PRKACA: variants seen among roughly 807,000 people sequenced by gnomAD.
The protein encoded by PRKACA is protein kinase cAMP-activated catalytic subunit alpha.
PRKACA carries 9 observed loss-of-function variants against 45.8 expected under a neutral mutation model. The ratio of observed to expected loss-of-function variants is 0.20; its 90% CI spans 0.12 to 0.34. The LOEUF (loss-of-function observed/expected upper bound fraction) is 0.34, where lower values mean the gene tolerates loss of function less well. Ranked by LOEUF, PRKACA falls within the 10% of genes least tolerant of loss-of-function variation. The pLI is 1.00. For missense variants in PRKACA, 238 were observed against 458.6 expected (o/e 0.52, Z 4.39); for synonymous variants, 160 against 178.6 (o/e 0.90, Z 0.83).
chr19:14,107,637 CA>C, intron 1 of PRKACA: 1 of 1,344,346 alleles, frequency 7.4e-7, no homozygotes, highest in Non-Finnish European at 9.6e-7. Context: ...CAGAGAGTCT[CA>C]GGGGTCACTC....
intron 5 of PRKACA, 48 bp downstream of exon 5, chr19:14,100,765 TCGTGCACTGCCAC>T (rs1384096686): frequency 6.5e-7 from 1 of 1,528,346 alleles, no homozygotes; most frequent in African/African-American, 1.4e-5. Context: ...GGGGGCTTGG[TCGTGCACTGCCAC>T]CTGTGGACAC....
chr19:14,114,215 G>T, intron 1 of PRKACA: 1 of 1,590,168 alleles, frequency 6.3e-7, no homozygotes, highest in South Asian at 1.1e-5. Context: ...CATGAGACCT[G>T]CCGTGTCTGT....
chr19:14,107,334 C>T lies in PRKACA; in HGVS notation c.108+14G>A, dbSNP rs942759891. ...AGCTCACCCCTCCCTGGGCTCTGCA[C>T]CCGGCAGCCTTACCTGAGCGGGACT... On this transcript the variant is annotated intron_variant, in intron 2 of 9. Transcript: ENST00000308677. 8 of 1,612,766 alleles carry T rather than the reference C, an allele frequency of 5.0e-6. No individual in the cohort carries two copies. The highest frequency in any genetic ancestry group is 3.3e-5 in the Admixed American group (2 of 59,962).
At chr19:14,098,859 T>C (rs1599337956) in intron 5 of PRKACA, among the ~76,000 whole-genome samples, 2 of 144,416 alleles carry the variant, frequency 1.4e-5, no homozygotes, top group East Asian at 4.0e-4. Flanking sequence ...TTTTCTTAGG[T>C]GATAGAAAAG....
intron 4 of PRKACA, chr19:14,101,388 G>A (rs1977437752): frequency 6.1e-6 from 1 of 165,156 alleles, no homozygotes; most frequent in Non-Finnish European, 1.3e-5. Flanking sequence ...GGGCAACATA[G>A]TGAGACCCCG....
chr19:14,102,390 C>T (rs1167469567), intron 4 of PRKACA, among the ~76,000 whole-genome samples: 1 of 152,136 alleles, frequency 6.6e-6, no homozygotes, highest in Non-Finnish European at 1.5e-5. Context: ...ACAACCCCAC[C>T]AGGCTGGAAC....
chr19:14,107,689 C>A, intron 1 of PRKACA: 1 of 1,260,636 alleles, frequency 7.9e-7, no homozygotes, highest in Non-Finnish European at 1.0e-6. Flanking sequence ...ACCAGCCCAC[C>A]CCCACTCGCC....
chr19:14,111,637 G>A (rs1345913669), intron 1 of PRKACA, among the ~76,000 whole-genome samples: 1 of 152,182 alleles, frequency 6.6e-6, no homozygotes, highest in Admixed American at 6.5e-5. Context: ...ATGGGGTCTT[G>A]CTATGTTGCC....
At chr19:14,094,833 G>A (rs1005601257) in intron 8 of PRKACA, among the ~76,000 whole-genome samples, 1 of 152,232 alleles carries the variant, frequency 6.6e-6, no homozygotes, top group South Asian at 2.1e-4. Flanking sequence ...TTAAAGCCCA[G>A]CTCAACTCTT....
At chr19:14,110,127 T>C (rs1369680343) in intron 1 of PRKACA, among the ~76,000 whole-genome samples, 1 of 149,818 alleles carries the variant, frequency 6.7e-6, no homozygotes, top group East Asian at 2.0e-4. Flanking sequence ...CTTGGCAACA[T>C]AGCAAGACCC....
intron 1 of PRKACA, chr19:14,113,983 C>G (rs994459646): frequency 7.0e-6 from 6 of 858,190 alleles, no homozygotes; most frequent in Non-Finnish European, 9.5e-6. Flanking sequence ...GCCGCACAGC[C>G]CGGGGCTGTA....
At chr19:14,114,192 G>C in intron 1 of PRKACA, 1 of 1,604,510 alleles carries the variant, frequency 6.2e-7, no homozygotes, top group Non-Finnish European at 8.5e-7. Context: ...GCACTACGGT[G>C]GCTGGGAAGG....
chr19:14,095,415 C>T (rs1352872047), intron 8 of PRKACA, among the ~76,000 whole-genome samples: 5 of 145,306 alleles, frequency 3.4e-5, no homozygotes, highest in African/African-American at 7.6e-5. Flanking sequence ...GTGATCCGCC[C>T]GCCTCGGCCT....
At chr19:14,105,141 A>T (rs571061921) in intron 3 of PRKACA, among the ~76,000 whole-genome samples, 26 of 152,350 alleles carry the variant, frequency 1.7e-4, no homozygotes, top group African/African-American at 6.3e-4. Flanking sequence ...AAAGGAATGT[A>T]AAATGTTTCA....
chr19:14,097,555 G>A lies in PRKACA; in HGVS notation c.642+24C>T, dbSNP rs1977296901. ...GAGAGCAGAGCCGGCCTCAGGGGAA[G>A]GGGAGGGCTGGGGAGGCTCCTACTT... On this transcript the variant is annotated intron_variant, in intron 7 of 9. Coordinates refer to ENST00000308677, the MANE Select transcript of PRKACA (RefSeq NM_002730.4). The surrounding 1 kb of genome is among the most constrained non-coding windows in gnomAD (Gnocchi z 5.4). 6.2e-7 allele frequency: 1 copy of A among 1,613,128 alleles called. No homozygotes were observed. Among genetic ancestry groups the A allele is most frequent in the Non-Finnish European group, 8.5e-7 (1 of 1,179,450 alleles).
At chr19:14,114,229 G>T (rs1967057936) in intron 1 of PRKACA, 1 of 1,572,546 alleles carries the variant, frequency 6.4e-7, no homozygotes, top group African/African-American at 1.4e-5. Flanking sequence ...TGTCTGTTCG[G>T]CTGTCTGTCC....
intron 8 of PRKACA, among the ~76,000 whole-genome samples, chr19:14,096,002 G>A (rs536905599): frequency 6.6e-6 from 1 of 151,456 alleles, no homozygotes; most frequent in Non-Finnish European, 1.5e-5. Flanking sequence ...GGGAACACAG[G>A]GGTGCACCAT....
chr19:14,098,857 G>A (rs951971886), intron 5 of PRKACA, among the ~76,000 whole-genome samples: 1 of 151,496 alleles, frequency 6.6e-6, no homozygotes, highest in African/African-American at 2.4e-5. Flanking sequence ...AATTTTCTTA[G>A]GTGATAGAAA....
At chr19:14,099,798 C>T (rs908850712) in intron 5 of PRKACA, among the ~76,000 whole-genome samples, 4 of 151,598 alleles carry the variant, frequency 2.6e-5, no homozygotes, top group African/African-American at 7.3e-5. Context: ...TTAAAATCTA[C>T]ACATATAAAA....
Sources: gnomAD v4.1 joint callset for allele counts (sites outside exome capture counted in the v4.1 genomes callset) on GRCh38, gnomAD v4.1.1 for gene constraint, Gnocchi (gnomAD v3.1) non-coding constraint, MANE v1.5 for transcripts, NCBI Gene and HGNC (gene_info 2026-07-23, HGNC 2026-07-21) for gene names.